CFAP92: variants seen among roughly 807,000 people sequenced by gnomAD.
CFAP92 encodes the protein cilia and flagella associated protein 92 (putative), also known as uncharacterized protein CFAP92.
In CFAP92, 86 loss-of-function variants were observed where a neutral mutation model predicts 106.3. The observed-to-expected ratio is 0.81, with a 90% confidence interval of 0.68 to 0.97. CFAP92 has a LOEUF of 0.97. Among genes scored for constraint, CFAP92 ranks in the 50% least tolerant of loss-of-function variants. The pLI, the probability that CFAP92 is intolerant of heterozygous loss-of-function variation, is 0.00. For synonymous variants in CFAP92, 477 were observed against 506.4 expected (o/e 0.94, Z 0.78); for missense variants, 1,204 against 1,283.8 (o/e 0.94, Z 0.95).
At chr3:128,953,858 C>T (rs1409215321) in intron 9 of CFAP92, among the ~76,000 whole-genome samples, 11 of 121,934 alleles carry the variant, frequency 9.0e-5, no homozygotes, top group Middle Eastern at 3.6e-3. Flanking sequence ...CCGCCACCCT[C>T]GGCCTCCCGA....
chr3:128,926,659 T>C (rs190721750), intron 12 of CFAP92, among the ~76,000 whole-genome samples: 9 of 152,230 alleles, frequency 5.9e-5, no homozygotes, highest in African/African-American at 1.9e-4. Flanking sequence ...GGAAGTGTTA[T>C]GGACTGAATG....
the CFAP92 span, among the ~76,000 whole-genome samples, chr3:129,011,329 T>C: frequency 2.6e-5 from 4 of 152,250 alleles, no homozygotes; most frequent in Non-Finnish European, 4.4e-5. Context: ...AGTGGGTGGA[T>C]CACCTGAGGT....
intron 9 of CFAP92, among the ~76,000 whole-genome samples, chr3:128,962,718 A>T (rs1045591843): frequency 2.0e-5 from 3 of 152,152 alleles, no homozygotes; most frequent in Non-Finnish European, 4.4e-5. Context: ...ATTTAAAAGG[A>T]TTAAAGCCTG....
At chr3:128,929,433 A>G (rs1938085137) in intron 12 of CFAP92, among the ~76,000 whole-genome samples, 1 of 152,206 alleles carries the variant, frequency 6.6e-6, no homozygotes, top group African/African-American at 2.4e-5. Context: ...GTTCTACCCA[A>G]GAGAAATGAA....
chr3:128,964,940 TTAATA>T (rs1942259260), intron 9 of CFAP92, among the ~76,000 whole-genome samples: 1 of 152,164 alleles, frequency 6.6e-6, no homozygotes, highest in East Asian at 1.9e-4. Flanking sequence ...ATTTGTCTTA[TTAATA>T]TAAGAAGGCA....
At chr3:129,003,691 C>T (rs1944912596), upstream of CFAP92, 46 of 1,100,000 alleles carry the variant, frequency 4.2e-5, no homozygotes, top group Non-Finnish European at 5.0e-5. Flanking sequence ...CGTGCTCAAG[C>T]GCTTCTGGGT....
intron 7 of CFAP92, among the ~76,000 whole-genome samples, chr3:128,972,243 C>G (rs748682495): frequency 1.3e-5 from 2 of 150,618 alleles, no homozygotes; most frequent in Non-Finnish European, 1.5e-5. Flanking sequence ...TGAAGGATTT[C>G]TTTCTTTTTT....
chr3:128,928,695 A>G (rs920968358), intron 12 of CFAP92, among the ~76,000 whole-genome samples: 1 of 152,238 alleles, frequency 6.6e-6, no homozygotes. Context: ...AGTAAGTGTA[A>G]GAGAAAGGAT....
At chr3:128,998,075 G>T (rs780517953), upstream of CFAP92, among the ~76,000 whole-genome samples, 3 of 152,090 alleles carry the variant, frequency 2.0e-5, no homozygotes, top group Non-Finnish European at 4.4e-5. Context: ...TTATGCACAT[G>T]TTGGCTATTT....
At chr3:128,999,531 CTTTTTTTTTTTT>C (rs5852556) in intron 1 of CFAP92, among the ~76,000 whole-genome samples, 49 of 71,592 alleles carry the variant, frequency 6.8e-4, no homozygotes, top group African/African-American at 3.0e-3. Context: ...AAATCAGGTT[CTTTTTTTTTTTT>C]TTTTTTTTTT....
chr3:128,974,916 C>T (rs899763651), intron 7 of CFAP92, among the ~76,000 whole-genome samples: 2 of 151,464 alleles, frequency 1.3e-5, no homozygotes, highest in Admixed American at 6.6e-5. Flanking sequence ...GTCAGGAGAT[C>T]GAGACGATCC....
intron 10 of CFAP92, among the ~76,000 whole-genome samples, chr3:128,943,920 GTTTTTTTTTTTT>G (rs768570835): frequency 5.9e-4 from 65 of 110,152 alleles, no homozygotes; most frequent in South Asian, 2.0e-3. Context: ...TATTTCCCCC[GTTTTTTTTTTTT>G]TTTTTTTTTT....
At position 128,956,216 on chromosome 3, in the gene CFAP92, A is replaced by T. The variant is rs1161937048; in HGVS notation, c.1353+9295T>A. The stretch of plus-strand genomic sequence containing the variant: ...AAAAATAAAAAAAAAATAAAAAAAT[A>T]AAAAAAAAAAAAGAAAATAGAAAGA... On this transcript the variant is annotated intron_variant, in intron 9 of 15. Coordinates refer to ENST00000645291, the MANE Select transcript of CFAP92 (RefSeq NM_001394090.1). Among the ~76,000 whole-genome samples, 13 of 79,482 alleles carry T rather than the reference A, an allele frequency of 1.6e-4. 1 individual carries two copies. Among genetic ancestry groups the T allele is most frequent in the African/African-American group, 1.1e-3 (7 of 6,240 alleles). 52.1% of individuals were successfully genotyped at this position (79,482 alleles called of 152,430 possible).
At chr3:128,916,887 A>G (rs2107679480) in intron 12 of CFAP92, among the ~76,000 whole-genome samples, 1 of 152,360 alleles carries the variant, frequency 6.6e-6, no homozygotes, top group African/African-American at 2.4e-5. Context: ...ATTGTTGGGC[A>G]CTGTGCAGTG....
the CFAP92 span, among the ~76,000 whole-genome samples, chr3:129,025,299 G>A: frequency 6.6e-6 from 1 of 152,070 alleles, no homozygotes; most frequent in Non-Finnish European, 1.5e-5. Flanking sequence ...GGGTCGGGAC[G>A]GAGAGGCAAA....
Position 128,945,931 on chromosome 3 carries a change from A to C in CFAP92, c.1398T>G (p.Thr466=). Residue 466 remains threonine (T), a synonymous_variant, in exon 10 of 16, where the codon ACT becomes ACG. Transcript: ENST00000645291. ...GCTCCCCCTTGGTCTTGTGAACTGGAGTCTTATGGAACTGGTACTTGCAGT... is the reference window on the plus strand; with the variant it reads ...GCTCCCCCTTGGTCTTGTGAACTGGCGTCTTATGGAACTGGTACTTGCAGT... The part of the protein sequence containing the change: ...PVYCKYQFHK[T]PVHKTKGEPH... 2.8e-6 allele frequency: 4 copies of C among 1,450,658 alleles called. No individual in the cohort carries two copies. The highest frequency in any genetic ancestry group is 2.9e-5 in the South Asian group (2 of 68,570). The allele number at this position is 1,450,658 out of a possible 1,614,324, so 89.9% of individuals were successfully genotyped here.
At chr3:128,976,331 G>T (rs901436381) in intron 6 of CFAP92, among the ~76,000 whole-genome samples, 7 of 152,172 alleles carry the variant, frequency 4.6e-5, no homozygotes, top group Non-Finnish European at 7.3e-5. Context: ...CATAAGGGGG[G>T]TCTGAACTGA....
At chr3:129,025,314 C>A in the CFAP92 span, among the ~76,000 whole-genome samples, 1 of 151,982 alleles carries the variant, frequency 6.6e-6, no homozygotes, top group South Asian at 2.1e-4. Context: ...GGCAAAATGG[C>A]GAAGAGTGCC....
chr3:129,009,344 C>T, the CFAP92 span, among the ~76,000 whole-genome samples: 93 of 152,318 alleles, frequency 6.1e-4, no homozygotes, highest in Non-Finnish European at 1.1e-3. Flanking sequence ...AGTGTTACCA[C>T]GATATACTGA....
Sources: gnomAD v4.1 joint callset for allele counts (sites outside exome capture counted in the v4.1 genomes callset) on GRCh38, gnomAD v4.1.1 for gene constraint, MANE v1.5 for transcripts, NCBI Gene and HGNC (gene_info 2026-07-23, HGNC 2026-07-21) for gene names.